The following AOPEP variants were observed in gnomAD, a reference collection of about 807,000 sequenced individuals.
AOPEP encodes the protein aminopeptidase O (putative).
AOPEP carries 77 observed loss-of-function variants against 98.1 expected under a neutral mutation model. That is an observed-to-expected ratio of 0.78 (90% confidence interval 0.65 to 0.95). AOPEP has a LOEUF of 0.95. Among genes scored for constraint, AOPEP ranks in the 40% least tolerant of loss-of-function variants. AOPEP has a pLI of 0.00. For missense variants in AOPEP, 1,024 were observed against 1,024.7 expected, an observed-to-expected ratio of 1.00 and a Z score of 0.01; for synonymous variants, 346 against 365.3, an observed-to-expected ratio of 0.95 and a Z score of 0.60.
chr9:95,144,563 G>C, the AOPEP span, among the ~76,000 whole-genome samples: 1 of 152,164 alleles, frequency 6.6e-6, no homozygotes, highest in African/African-American at 2.4e-5. Flanking sequence ...TTTCACAGAA[G>C]ACCAGGAGTA....
chr9:94,914,856 G>A (rs1367183382), intron 5 of AOPEP, among the ~76,000 whole-genome samples: 1 of 152,190 alleles, frequency 6.6e-6, no homozygotes, highest in Non-Finnish European at 1.5e-5. Context: ...CTCTTGGGGT[G>A]AGGCCCAGAG....
chr9:95,052,194 A>T (rs1348857035), intron 13 of AOPEP, among the ~76,000 whole-genome samples: 1 of 152,120 alleles, frequency 6.6e-6, no homozygotes, highest in Non-Finnish European at 1.5e-5. Flanking sequence ...TTCTTACTAT[A>T]TTGGGCATTA....
intron 5 of AOPEP, among the ~76,000 whole-genome samples, chr9:94,887,168 C>A (rs1017026587): frequency 7.0e-6 from 1 of 143,548 alleles, no homozygotes; most frequent in Non-Finnish European, 1.5e-5. Flanking sequence ...AAGTGAGACC[C>A]CCCCCGTCTC....
intron 3 of AOPEP, among the ~76,000 whole-genome samples, chr9:94,789,348 T>C (rs1454854159): frequency 6.6e-6 from 1 of 152,240 alleles, no homozygotes; most frequent in Non-Finnish European, 1.5e-5. Context: ...GCCAAGGGTC[T>C]GAATTTTTAA....
chr9:94,860,739 C>T (rs2044839970), intron 5 of AOPEP, among the ~76,000 whole-genome samples: 1 of 152,094 alleles, frequency 6.6e-6, no homozygotes, highest in African/African-American at 2.4e-5. Flanking sequence ...GTGGGGAGGA[C>T]AGGAAGAGGA....
At chr9:94,891,389 G>A (rs1335381923) in intron 5 of AOPEP, among the ~76,000 whole-genome samples, 1 of 152,108 alleles carries the variant, frequency 6.6e-6, no homozygotes, top group Non-Finnish European at 1.5e-5. Flanking sequence ...GCATATTTAG[G>A]CCATTTATAT....
chr9:95,064,818 A>G (rs973080384), intron 14 of AOPEP, among the ~76,000 whole-genome samples: 2 of 152,182 alleles, frequency 1.3e-5, no homozygotes, highest in Non-Finnish European at 2.9e-5. Context: ...TAGTTCTGTG[A>G]CTCAAGCACT....
the AOPEP span, among the ~76,000 whole-genome samples, chr9:95,143,455 T>C: frequency 6.6e-6 from 1 of 151,974 alleles, no homozygotes; most frequent in South Asian, 2.1e-4. Context: ...CCACCAGGAG[T>C]CACTTCATTA....
intron 11 of AOPEP, among the ~76,000 whole-genome samples, chr9:94,986,582 T>A (rs1046912117): frequency 6.6e-6 from 1 of 152,198 alleles, no homozygotes; most frequent in African/African-American, 2.4e-5. Context: ...TGTTAGTATC[T>A]AGTGAGTGCA....
At chr9:94,911,792 A>T (rs1004747549) in intron 5 of AOPEP, among the ~76,000 whole-genome samples, 1 of 152,174 alleles carries the variant, frequency 6.6e-6, no homozygotes, top group Non-Finnish European at 1.5e-5. Context: ...CAGAGCTCTA[A>T]CTTCATCTTT....
intron 11 of AOPEP, among the ~76,000 whole-genome samples, chr9:94,990,614 AATTAATT>A (rs2060834243): frequency 1.7e-5 from 1 of 59,860 alleles, no homozygotes; most frequent in South Asian, 4.5e-4. Flanking sequence ...TATTTAATTT[AATTAATT>A]AATTAATTAA....
chr9:94,913,326 T>G lies in AOPEP; in HGVS notation c.1365-10660T>G, dbSNP rs79415865. Among the ~76,000 whole-genome samples the G allele has an allele frequency of 2.0e-5, 3 of 152,208 alleles. No homozygotes were observed. In the East Asian group the frequency reaches 5.8e-4, roughly 29 times the overall value. Reference sequence around the variant, plus strand: ...GGAGAGACTTTTATTTGTTTATTTTTGTTTCTGGTGAGGTTTATTACCTTT... The same window carrying G: ...GGAGAGACTTTTATTTGTTTATTTTGGTTTCTGGTGAGGTTTATTACCTTT... On this transcript the variant is annotated intron_variant, in intron 5 of 16. Transcript: ENST00000375315.
At chr9:95,116,120 A>G in the AOPEP span, among the ~76,000 whole-genome samples, 1 of 152,252 alleles carries the variant, frequency 6.6e-6, no homozygotes, top group East Asian at 1.9e-4. Flanking sequence ...GGTTGGGCCC[A>G]TGCCCATGCA....
intron 1 of AOPEP, among the ~76,000 whole-genome samples, chr9:94,759,395 A>G (rs1181050816): frequency 6.6e-6 from 1 of 152,234 alleles, no homozygotes; most frequent in Non-Finnish European, 1.5e-5. Flanking sequence ...AAAGAAGGAC[A>G]GTTCTCATTG....
chr9:95,107,600 C>G, the AOPEP span: 2 of 434,360 alleles, frequency 4.6e-6, no homozygotes, highest in Non-Finnish European at 8.5e-6. Context: ...CAAAAGGCTC[C>G]TTGAAGACTC....
intron 5 of AOPEP, among the ~76,000 whole-genome samples, chr9:94,838,712 C>G (rs2041912074): frequency 6.6e-6 from 1 of 152,186 alleles, no homozygotes; most frequent in Non-Finnish European, 1.5e-5. Context: ...TTCCCAGTGT[C>G]TCTTCCAGAT....
At chr9:94,899,116 G>A (rs2050012081) in intron 5 of AOPEP, among the ~76,000 whole-genome samples, 1 of 151,190 alleles carries the variant, frequency 6.6e-6, no homozygotes, top group Admixed American at 6.6e-5. Context: ...GGTTGCCTTG[G>A]AGGAGAAAAA....
intron 5 of AOPEP, among the ~76,000 whole-genome samples, chr9:94,812,718 A>T (rs1453643186): frequency 6.6e-6 from 1 of 152,114 alleles, no homozygotes; most frequent in South Asian, 2.1e-4. Flanking sequence ...TGAGCCTTCA[A>T]ATAAGGACTT....
At chr9:94,956,315 C>T (rs988641840) in intron 9 of AOPEP, among the ~76,000 whole-genome samples, 15 of 152,234 alleles carry the variant, frequency 9.9e-5, no homozygotes, top group African/African-American at 2.9e-4. Context: ...CTGCCTCCTT[C>T]TTACCTTCTA....
Sources: gnomAD v4.1 joint callset for allele counts (sites outside exome capture counted in the v4.1 genomes callset) on GRCh38, gnomAD v4.1.1 for gene constraint, MANE v1.5 for transcripts, NCBI Gene and HGNC (gene_info 2026-07-23, HGNC 2026-07-21) for gene names.